Variants in USP9X observed in about 807,000 individuals in gnomAD.
USP9X encodes the protein ubiquitin carboxyl-terminal hydrolase 9X.
USP9X carries 7 observed loss-of-function variants against 190.3 expected under a neutral mutation model. The ratio of observed to expected loss-of-function variants is 0.04; its 90% CI spans 0.02 to 0.07. The LOEUF (loss-of-function observed/expected upper bound fraction) is 0.07, where lower values mean the gene tolerates loss of function less well. Ranked by LOEUF, USP9X falls within the 10% of genes least tolerant of loss-of-function variation. The pLI, the probability that USP9X is intolerant of heterozygous loss-of-function variation, is 1.00. For synonymous variants in USP9X, 645 were observed against 659.5 expected, an observed-to-expected ratio of 0.98 and a Z score of 0.34; for missense variants, 1,010 against 1,916.9, an observed-to-expected ratio of 0.53 and a Z score of 8.83.
At chrX:41,197,684 T>TA in intron 29 of USP9X, among the ~76,000 whole-genome samples, 174 bp downstream of exon 29, 1 of 111,868 alleles carries the variant, frequency 8.9e-6, no homozygotes, top group Admixed American at 9.6e-5. Flanking sequence ...TGCCTTACTT[T>TA]ATTCAAGAGA....
intron 11 of USP9X, among the ~76,000 whole-genome samples, chrX:41,146,086 TAA>T (rs2062461098): frequency 9.0e-6 from 1 of 111,708 alleles, no homozygotes; most frequent in African/African-American, 3.3e-5. Flanking sequence ...ACTGCAAAGA[TAA>T]AGACTTCCGA....
intron 1 of USP9X, among the ~76,000 whole-genome samples, chrX:41,106,522 ATTTTTTTTTT>A (rs35038623): frequency 8.3e-4 from 49 of 58,786 alleles, no homozygotes; most frequent in South Asian, 9.7e-4. Context: ...TTCTGAATTA[ATTTTTTTTTT>A]TTTTTTTTTT....
chrX:41,131,914 G>C (rs1327225639), intron 4 of USP9X, among the ~76,000 whole-genome samples: 1 of 111,189 alleles, frequency 9.0e-6, no homozygotes, highest in African/African-American at 3.3e-5. Flanking sequence ...TCTGCCCCCT[G>C]CCCTCCTTGT....
intron 24 of USP9X, 101 bp from the exon 25 acceptor site, chrX:41,187,891 C>A: frequency 8.3e-6 from 6 of 721,467 alleles, no homozygotes; most frequent in South Asian, 3.3e-5. Flanking sequence ...TGGTACTACA[C>A]AGTAATTCCT....
At chrX:41,146,149 GGTT>G (rs2062461744) in intron 11 of USP9X, among the ~76,000 whole-genome samples, 1 of 111,517 alleles carries the variant, frequency 9.0e-6, no homozygotes, top group African/African-American at 3.3e-5. Flanking sequence ...GAAAAAAAGG[GGTT>G]GTTATTATAT....
intron 14 of USP9X, among the ~76,000 whole-genome samples, chrX:41,160,702 C>T (rs141326721): frequency 8.9e-6 from 1 of 111,811 alleles, no homozygotes; most frequent in East Asian, 2.8e-4. Context: ...CTAATTATGA[C>T]GAAGTGGCAT....
intron 21 of USP9X, among the ~76,000 whole-genome samples, chrX:41,183,766 T>C (rs894473987): frequency 3.6e-5 from 4 of 111,664 alleles, no homozygotes; most frequent in Non-Finnish European, 7.5e-5. Context: ...GAGTAGCAGA[T>C]GCTTTGTATT....
chrX:41,229,922 T>C lies in USP9X; in HGVS notation c.7431+143T>C, dbSNP rs1397155107. ...GGGTTTTGAAAAATGTTTATTCGGCTGGGCATGGTGGCTCACGCCTGTAAT... is the reference window on the plus strand; with the variant it reads ...GGGTTTTGAAAAATGTTTATTCGGCCGGGCATGGTGGCTCACGCCTGTAAT... On this transcript the variant is annotated intron_variant, in intron 43 of 44. Coordinates refer to ENST00000378308, the MANE Select transcript of USP9X (RefSeq NM_001039591.3). 3 of 1,034,341 alleles carry C rather than the reference T, an allele frequency of 2.9e-6. No individual in the cohort carries two copies. In the African/African-American group the frequency reaches 5.7e-5, roughly 20 times the overall value. 85.2% of individuals were successfully genotyped at this position (1,034,341 alleles called of 1,213,427 possible).
At chrX:41,153,850 T>C (rs1393253738) in intron 14 of USP9X, among the ~76,000 whole-genome samples, 1 of 112,267 alleles carries the variant, frequency 8.9e-6, no homozygotes, top group African/African-American at 3.2e-5. Flanking sequence ...ATGTTAGTTA[T>C]AGAGTTAAAC....
intron 1 of USP9X, among the ~76,000 whole-genome samples, chrX:41,103,263 G>A (rs1173977989): frequency 8.9e-6 from 1 of 112,464 alleles, no homozygotes; most frequent in Admixed American, 9.4e-5. Flanking sequence ...CCTTTGTAAC[G>A]ATTTAAAAAA....
At position 41,197,352 on chromosome X, in the gene USP9X, C is replaced by CCCCCCCGGGGGGGGGGG; in HGVS notation, c.4234-12_4234-11insCCCCCCGGGGGGGGGGG. The CCCCCCCGGGGGGGGGGG allele has an allele frequency of 2.0e-6, 2 of 988,226 alleles. No individual in the cohort carries two copies. The highest frequency in any genetic ancestry group is 1.3e-6 in the Non-Finnish European group (1 of 759,393). The allele number at this position is 988,226 out of a possible 1,213,427, so 81.4% of individuals were successfully genotyped here. A position where few individuals can be genotyped will look rare whatever the true frequency, so the allele number is the denominator to read the frequency against. On this transcript the variant is annotated splice_polypyrimidine_tract_variant and intron_variant, in intron 28 of 44. Transcript: ENST00000378308. ...TTCTTCCCCCCCCCACCCCACCCCC[C>CCCCCCCGGGGGGGGGGG]GCCTTTGGCAGGATGATGTTAAAAG...
At chrX:41,208,338 T>C (rs1441476214) in intron 32 of USP9X, among the ~76,000 whole-genome samples, 1 of 112,445 alleles carries the variant, frequency 8.9e-6, no homozygotes, top group Non-Finnish European at 1.9e-5. Context: ...GCTTACACTT[T>C]TTAAACTTTC....
chrX:41,096,545 T>G (rs927526915), intron 1 of USP9X, among the ~76,000 whole-genome samples: 4 of 111,718 alleles, frequency 3.6e-5, no homozygotes, highest in Admixed American at 9.5e-5. Flanking sequence ...TGGGTTTAAG[T>G]GATTCTGCTG....
rs748208642 is a variant in USP9X at position 41,229,020 on chromosome X, C to T, written c.7062-233C>T. On this transcript the variant is annotated intron_variant, in intron 41 of 44. Coordinates refer to ENST00000378308, the MANE Select transcript of USP9X (RefSeq NM_001039591.3). ...TAGTTGGGCTGAGGCAGGAGAGAGG[C>T]GTGAACCTGGGAGGCAGGACTTGAA... The T allele has an allele frequency of 2.9e-5, 7 of 244,383 alleles. No homozygotes were observed. The Admixed American group carries it at 3.2e-4, about 11-fold the overall frequency. The allele number at this position is 244,383 out of a possible 1,213,427, so 20.1% of individuals were successfully genotyped here.
chrX:41,167,532 C>G lies in USP9X; in HGVS notation c.2379C>G (p.Leu793=). 8.3e-7 allele frequency: 1 copy of G among 1,207,955 alleles called. No homozygotes were observed. Among genetic ancestry groups the G allele is most frequent in the Non-Finnish European group, 1.1e-6 (1 of 893,419 alleles). Residue 793 remains leucine, a synonymous_variant, in exon 17 of 45, where the codon CTC becomes CTG. Transcript: ENST00000378308. ...DDIASRAIDL[L]KEIYTNLGPR... ...TTGCCAGCAGAGCTATAGATCTCCT[C>G]AAAGAGATATACACGAACCTTGGTC...
At chrX:41,110,436 AT>A (rs1435915990) in intron 1 of USP9X, among the ~76,000 whole-genome samples, 1 of 111,761 alleles carries the variant, frequency 8.9e-6, no homozygotes, top group Non-Finnish European at 1.9e-5. Context: ...GGTGAGATTA[AT>A]GGTAGTTTCC....
chrX:41,177,881 A>G (rs2062789422), intron 21 of USP9X, among the ~76,000 whole-genome samples: 1 of 109,473 alleles, frequency 9.1e-6, no homozygotes, highest in Non-Finnish European at 1.9e-5. Context: ...TGTCCTAGAT[A>G]TGGTCAGTGG....
Position 41,234,492 on chromosome X carries a change from A to G in USP9X, c.*1968A>G, listed in dbSNP as rs1313665110. 8.9e-6 allele frequency: 1 copy of G among 112,112 alleles called. No individual in the cohort carries two copies. Among genetic ancestry groups the G allele is most frequent in the Non-Finnish European group, 1.9e-5 (1 of 53,259 alleles). 9.2% of individuals were successfully genotyped at this position (112,112 alleles called of 1,213,427 possible). On this transcript the variant is annotated 3_prime_UTR_variant, in exon 45 of 45. Coordinates refer to ENST00000378308, the MANE Select transcript of USP9X (RefSeq NM_001039591.3). ...AGGTGTTCCTGTAGGACATTTTGAC[A>G]CCGATACTTTGAGTGAAAGTCACAC... is the stretch of plus-strand genomic sequence containing the variant.
intron 13 of USP9X, 121 bp from the exon 14 acceptor site, chrX:41,152,827 T>C: frequency 1.5e-6 from 1 of 688,012 alleles, no homozygotes; most frequent in Non-Finnish European, 2.0e-6. Context: ...AAGAAGTAAA[T>C]GTACAAAAGT....
Sources: gnomAD v4.1 joint callset for allele counts (sites outside exome capture counted in the v4.1 genomes callset) on GRCh38, gnomAD v4.1.1 for gene constraint, MANE v1.5 for transcripts, NCBI Gene and HGNC (gene_info 2026-07-23, HGNC 2026-07-21) for gene names.